The following OPCML variants were observed in gnomAD, a reference collection of about 807,000 sequenced individuals.
The protein encoded by OPCML is opioid binding protein/cell adhesion molecule like.
In OPCML, 13 loss-of-function variants were observed where a neutral mutation model predicts 37.8. The ratio of observed to expected loss-of-function variants is 0.34; its 90% CI spans 0.22 to 0.55. OPCML has a LOEUF of 0.55. OPCML is among the 20% of genes least tolerant of loss of function. OPCML has a pLI of 0.91. For missense variants in OPCML, 341 were observed against 435.6 expected (o/e 0.78, Z 1.93); for synonymous variants, 176 against 168.8 (o/e 1.04, Z -0.33).
At chr11:132,449,248 G>A (rs1313240897) in intron 4 of OPCML, among the ~76,000 whole-genome samples, 2 of 152,210 alleles carry the variant, frequency 1.3e-5, no homozygotes, top group East Asian at 3.9e-4. Context: ...AGGACTATGT[G>A]TGTCTGAACG....
At chr11:133,046,948 AT>A (rs11361378) in intron 1 of OPCML, among the ~76,000 whole-genome samples, 81,722 of 149,022 alleles carry the variant, frequency 0.55, 23,258 homozygotes, top group African/African-American at 0.73. Flanking sequence ...TAACTTTACA[AT>A]TTTTTTTTTT....
At chr11:133,470,304 C>G (rs1947075120) in intron 1 of OPCML, among the ~76,000 whole-genome samples, 3 of 152,192 alleles carry the variant, frequency 2.0e-5, no homozygotes, top group Non-Finnish European at 4.4e-5. Context: ...CCATCACTCC[C>G]TTGAGAATGA....
At chr11:133,487,288 C>A (rs924626269) in intron 1 of OPCML, among the ~76,000 whole-genome samples, 21 of 152,106 alleles carry the variant, frequency 1.4e-4, no homozygotes, top group African/African-American at 3.9e-4. Context: ...GAAAATACTT[C>A]ATCTTGCAGC....
chr11:133,420,123 T>A (rs1945855358), intron 1 of OPCML: 1 of 324,278 alleles, frequency 3.1e-6, no homozygotes, highest in Non-Finnish European at 4.4e-6. Context: ...GTGCTAGAGA[T>A]CCTTTATGTC....
At chr11:132,640,395 A>T (rs1300860793) in intron 3 of OPCML, among the ~76,000 whole-genome samples, 1 of 152,188 alleles carries the variant, frequency 6.6e-6, no homozygotes, top group Non-Finnish European at 1.5e-5. Flanking sequence ...ATTGGTCATT[A>T]GCATCAGCCA....
intron 3 of OPCML, among the ~76,000 whole-genome samples, chr11:132,554,659 G>A (rs1244066586): frequency 2.6e-5 from 4 of 152,084 alleles, no homozygotes; most frequent in African/African-American, 9.7e-5. Flanking sequence ...CCAGGCCAGA[G>A]CTTTCACTGT....
chr11:133,391,918 G>T (rs913462682), intron 1 of OPCML, among the ~76,000 whole-genome samples: 3 of 152,034 alleles, frequency 2.0e-5, no homozygotes, highest in African/African-American at 7.2e-5. Context: ...TCAGTAATTT[G>T]CCCAAAGTTA....
At chr11:132,932,035 T>C (rs755795387) in intron 2 of OPCML, among the ~76,000 whole-genome samples, 3 of 152,198 alleles carry the variant, frequency 2.0e-5, no homozygotes, top group Non-Finnish European at 4.4e-5. Context: ...GGATGAATGC[T>C]ATAAAATACC....
intron 2 of OPCML, among the ~76,000 whole-genome samples, chr11:132,703,492 A>G (rs570586049): frequency 6.6e-6 from 1 of 152,254 alleles, no homozygotes; most frequent in Admixed American, 6.5e-5. Context: ...TACAAGAAGT[A>G]CACATCTCTT....
intron 1 of OPCML, among the ~76,000 whole-genome samples, chr11:132,949,949 C>A (rs985710236): frequency 6.6e-6 from 1 of 152,126 alleles, no homozygotes; most frequent in African/African-American, 2.4e-5. Context: ...CAGGGGAAGC[C>A]TCTCTGAAGA....
intron 1 of OPCML, among the ~76,000 whole-genome samples, chr11:133,413,182 T>C (rs1190410668): frequency 6.6e-6 from 1 of 151,962 alleles, no homozygotes; most frequent in Non-Finnish European, 1.5e-5. Flanking sequence ...TGATCAGATG[T>C]TGTAGGGGCT....
intron 2 of OPCML, among the ~76,000 whole-genome samples, chr11:132,880,657 G>T (rs1043662319): frequency 6.6e-6 from 1 of 152,168 alleles, no homozygotes; most frequent in Non-Finnish European, 1.5e-5. Context: ...ACGCCCAAAA[G>T]GAAAAGTGAT....
chr11:132,989,620 T>A (rs1314110040), intron 1 of OPCML, among the ~76,000 whole-genome samples: 2 of 134,690 alleles, frequency 1.5e-5, no homozygotes, highest in Non-Finnish European at 3.0e-5. Context: ...TGTGTGTGTG[T>A]GTGTGTGTGT....
intron 2 of OPCML, among the ~76,000 whole-genome samples, chr11:132,843,698 G>A (rs1166230627): frequency 6.6e-6 from 1 of 152,104 alleles, no homozygotes; most frequent in Non-Finnish European, 1.5e-5. Context: ...GCTCATCACT[G>A]TTATTGAGAT....
At chr11:133,441,176 A>G (rs1946358540) in intron 1 of OPCML, among the ~76,000 whole-genome samples, 1 of 152,058 alleles carries the variant, frequency 6.6e-6, no homozygotes, top group Non-Finnish European at 1.5e-5. Context: ...ATCCAGGTCT[A>G]TGCCTCTCTT....
intron 3 of OPCML, among the ~76,000 whole-genome samples, chr11:132,575,014 G>A (rs2096447103): frequency 6.6e-6 from 1 of 151,798 alleles, no homozygotes; most frequent in East Asian, 1.9e-4. Flanking sequence ...GGTGCTTCTT[G>A]GTCTCTTTTG....
At chr11:132,620,361 G>A (rs1939324982) in intron 3 of OPCML, among the ~76,000 whole-genome samples, 1 of 152,190 alleles carries the variant, frequency 6.6e-6, no homozygotes, top group African/African-American at 2.4e-5. Flanking sequence ...GAAATTGGAT[G>A]GATTGGTAAT....
At chr11:132,592,422 G>A (rs568071193) in intron 3 of OPCML, among the ~76,000 whole-genome samples, 1 of 152,314 alleles carries the variant, frequency 6.6e-6, no homozygotes, top group African/African-American at 2.4e-5. Context: ...AGAAAATGGG[G>A]ATCCAAGTTA....
At chr11:133,224,988 C>T (rs1939983423) in intron 1 of OPCML, among the ~76,000 whole-genome samples, 1 of 152,166 alleles carries the variant, frequency 6.6e-6, no homozygotes, top group Non-Finnish European at 1.5e-5. Flanking sequence ...GAAATCAACG[C>T]TTGCAGTCAT....
Sources: allele counts gnomAD v4.1 joint callset (sites outside exome capture counted in the v4.1 genomes callset), GRCh38; gene constraint gnomAD v4.1.1; transcripts MANE v1.5; gene names NCBI Gene and HGNC (gene_info 2026-07-23, HGNC 2026-07-21).